Variants in TYW1B observed in about 807,000 individuals in gnomAD.
TYW1B encodes tRNA-yW synthesizing protein 1 homolog B, also known as S-adenosyl-L-methionine-dependent tRNA 4-demethylwyosine synthase TYW1B.
Under a neutral mutation model 86.9 loss-of-function variants are expected in TYW1B, and 73 were observed. The ratio of observed to expected loss-of-function variants is 0.84; its 90% confidence interval spans 0.70 to 1.02. The LOEUF (loss-of-function observed/expected upper bound fraction) is 1.02. Ranked by LOEUF, TYW1B falls within the 50% of genes least tolerant of loss-of-function variation. The probability of loss-of-function intolerance (pLI) is 0.00; values close to 1 mark genes in which losing one functional copy is unlikely to be tolerated. For missense variants in TYW1B, 637 were observed against 827.4 expected (o/e 0.77, Z 2.82); for synonymous variants, 248 against 292.8 (o/e 0.85, Z 1.56).
At chr7:72,668,279 G>C (rs1554445690) in intron 11 of TYW1B, among the ~76,000 whole-genome samples, 2 of 152,142 alleles carry the variant, frequency 1.3e-5, no homozygotes, top group Non-Finnish European at 2.9e-5. Flanking sequence ...AGATGTTTTT[G>C]TTCAACCGTT....
intron 6 of TYW1B, among the ~76,000 whole-genome samples, chr7:72,789,921 C>CT (rs1293379687): frequency 6.8e-6 from 1 of 146,292 alleles, no homozygotes; most frequent in East Asian, 2.0e-4. Context: ...CTTGAACATT[C>CT]TCAAGTGATA....
chr7:72,639,684 T>A lies in TYW1B; in HGVS notation c.1507-10687A>T, dbSNP rs532901698. On this transcript the variant is annotated intron_variant, in intron 11 of 13. Coordinates refer to ENST00000620995, the MANE Select transcript of TYW1B (RefSeq NM_001145440.3). ...TTCAAGACCAGCCTGGCCAACATGG[T>A]GAAATGCAGTTTCTACTAAAAATAC... 2.0e-5 allele frequency among the ~76,000 whole-genome samples: 3 copies of A among 151,944 alleles called. No homozygotes were observed. The South Asian group carries it at 6.2e-4, about 32-fold the overall frequency.
chr7:72,766,664 C>T (rs1187158334), intron 7 of TYW1B, among the ~76,000 whole-genome samples: 1 of 148,170 alleles, frequency 6.7e-6, no homozygotes, highest in Non-Finnish European at 1.5e-5. Flanking sequence ...CAGTGGCTCA[C>T]ACCTGTAATC....
intron 10 of TYW1B, among the ~76,000 whole-genome samples, chr7:72,701,146 G>GT (rs1312174679): frequency 6.6e-6 from 1 of 151,818 alleles, no homozygotes; most frequent in Non-Finnish European, 1.5e-5. Context: ...TCTTTGTCTA[G>GT]TAAGTCCAAC....
intron 11 of TYW1B, among the ~76,000 whole-genome samples, chr7:72,649,152 T>A (rs1331028982): frequency 1.3e-5 from 2 of 152,016 alleles, no homozygotes; most frequent in African/African-American, 4.8e-5. Flanking sequence ...GGGAATTGTA[T>A]GGAAAAGGAC....
At chr7:72,614,008 G>T (rs140268931) in intron 13 of TYW1B, among the ~76,000 whole-genome samples, 1 of 146,402 alleles carries the variant, frequency 6.8e-6, no homozygotes, top group Non-Finnish European at 1.5e-5. Flanking sequence ...ATGCTGGGGG[G>T]GTGGGGGGCA....
intron 11 of TYW1B, among the ~76,000 whole-genome samples, chr7:72,633,163 T>A (rs1812583001): frequency 6.6e-6 from 1 of 152,232 alleles, no homozygotes. Flanking sequence ...AAGTTCTAAA[T>A]AACACACCCC....
intron 8 of TYW1B, among the ~76,000 whole-genome samples, chr7:72,740,030 G>A (rs71553276): frequency 0.018 from 2,648 of 148,208 alleles, 37 homozygotes; most frequent in South Asian, 0.037. Flanking sequence ...CCAGGAGTTC[G>A]AGACCAGTCT....
intron 4 of TYW1B, among the ~76,000 whole-genome samples, chr7:72,808,826 C>T (rs1366250777): frequency 2.6e-5 from 4 of 152,038 alleles, no homozygotes; most frequent in East Asian, 3.9e-4. Flanking sequence ...TGCACCCGGC[C>T]GTAAACAGCT....
intron 2 of TYW1B, among the ~76,000 whole-genome samples, chr7:72,818,898 A>G (rs1237967089): frequency 3.9e-5 from 6 of 152,128 alleles, no homozygotes; most frequent in African/African-American, 1.4e-4. Flanking sequence ...ATCTGCCCTC[A>G]AGATCTAAGC....
At chr7:72,669,121 A>G (rs2129569640) in intron 11 of TYW1B, among the ~76,000 whole-genome samples, 1 of 123,654 alleles carries the variant, frequency 8.1e-6, no homozygotes, top group South Asian at 2.8e-4. Context: ...AACAACCACT[A>G]TTTAATTTTA....
chr7:72,757,370 GAAA>G (rs35310114), intron 7 of TYW1B, among the ~76,000 whole-genome samples: 1 of 129,844 alleles, frequency 7.7e-6, no homozygotes. Context: ...TCCGTCTATG[GAAA>G]AAAAAAAAAA....
chr7:72,775,012 T>C (rs1290186353), intron 7 of TYW1B, among the ~76,000 whole-genome samples: 1 of 152,022 alleles, frequency 6.6e-6, no homozygotes, highest in Non-Finnish European at 1.5e-5. Context: ...AACTACAATG[T>C]CTAAGTTGAA....
chr7:72,754,486 G>A (rs143032459), intron 7 of TYW1B, among the ~76,000 whole-genome samples: 1 of 152,000 alleles, frequency 6.6e-6, no homozygotes, highest in African/African-American at 2.4e-5. Context: ...GCCCAGGCTG[G>A]AATGCAGTGA....
At chr7:72,701,615 C>A (rs1374873075) in intron 10 of TYW1B, among the ~76,000 whole-genome samples, 1 of 152,054 alleles carries the variant, frequency 6.6e-6, no homozygotes, top group Non-Finnish European at 1.5e-5. Flanking sequence ...ACCTCTCAAC[C>A]CAGGTTTGTT....
Position 72,777,348 on chromosome 7 carries a change from C to T in TYW1B, c.964+68G>A, listed in dbSNP as rs1787973697. The T allele has an allele frequency of 3.8e-6, 6 of 1,567,910 alleles. No individual in the cohort carries two copies. In the Middle Eastern group the frequency reaches 5.1e-4, roughly 133 times the overall value. Reference sequence around the variant, plus strand: ...TGCTGAGCTAATTAGAGAGAGACTTCATTCTAGGTATCAAATGAGAATGCC... The same window carrying T: ...TGCTGAGCTAATTAGAGAGAGACTTTATTCTAGGTATCAAATGAGAATGCC... On this transcript the variant is annotated intron_variant, in intron 7 of 13. Coordinates refer to ENST00000620995, the MANE Select transcript of TYW1B (RefSeq NM_001145440.3).
intron 8 of TYW1B, among the ~76,000 whole-genome samples, chr7:72,742,925 A>G (rs1787330583): frequency 6.6e-6 from 1 of 152,232 alleles, no homozygotes; most frequent in Non-Finnish European, 1.5e-5. Flanking sequence ...AACATAATCA[A>G]TAGAATTAGA....
intron 13 of TYW1B, among the ~76,000 whole-genome samples, chr7:72,612,849 A>G (rs1460617012): frequency 6.6e-6 from 1 of 152,124 alleles, no homozygotes; most frequent in Non-Finnish European, 1.5e-5. Flanking sequence ...TCCTGGGCTC[A>G]GATGATCCTT....
chr7:72,611,630 G>A (rs1443630290), intron 13 of TYW1B, among the ~76,000 whole-genome samples: 1 of 152,048 alleles, frequency 6.6e-6, no homozygotes, highest in African/African-American at 2.4e-5. Flanking sequence ...CCCAGTCTCG[G>A]GTATGTCTTT....
Sources: allele counts gnomAD v4.1 joint callset (sites outside exome capture counted in the v4.1 genomes callset), GRCh38; gene constraint gnomAD v4.1.1; transcripts MANE v1.5; gene names NCBI Gene and HGNC (gene_info 2026-07-23, HGNC 2026-07-21).